Variants in SLC28A3 observed in about 807,000 individuals in gnomAD.
The protein encoded by SLC28A3 is solute carrier family 28 member 3.
A neutral mutation model predicts 84.2 loss-of-function variants in SLC28A3; 68 were observed. The ratio of observed to expected loss-of-function variants is 0.81; its 90% CI spans 0.66 to 0.99. The LOEUF (loss-of-function observed/expected upper bound fraction) is 0.99. SLC28A3 is among the 50% of genes least tolerant of loss of function. The pLI is 0.00. For missense variants in SLC28A3, 712 were observed against 841.5 expected (o/e 0.85, Z 1.90); for synonymous variants, 267 against 303.6 (o/e 0.88, Z 1.25).
chr9:84,287,614 C>A (rs1222736889), intron 12 of SLC28A3, among the ~76,000 whole-genome samples: 1 of 152,100 alleles, frequency 6.6e-6, no homozygotes, highest in Non-Finnish European at 1.5e-5. Context: ...CAGGTCCCAG[C>A]ACTTTGGGAG....
chr9:84,303,308 C>T (rs1303663549), intron 4 of SLC28A3, among the ~76,000 whole-genome samples: 3 of 152,010 alleles, frequency 2.0e-5, no homozygotes, highest in African/African-American at 7.2e-5. Context: ...GACCAGACTC[C>T]CTCTCCCTCT....
the SLC28A3 span, among the ~76,000 whole-genome samples, chr9:84,360,433 C>T: frequency 6.6e-6 from 1 of 151,822 alleles, no homozygotes; most frequent in Non-Finnish European, 1.5e-5. Flanking sequence ...CATGGGGAGC[C>T]CTGGAGATGT....
At chr9:84,333,883 A>G (rs560406348) in intron 1 of SLC28A3, among the ~76,000 whole-genome samples, 1 of 152,268 alleles carries the variant, frequency 6.6e-6, no homozygotes, top group South Asian at 2.1e-4. Flanking sequence ...AGCTCCAAAA[A>G]CCCCAAACTT....
upstream of SLC28A3, among the ~76,000 whole-genome samples, chr9:84,340,957 A>T (rs536719132): frequency 6.6e-6 from 1 of 150,792 alleles, no homozygotes; most frequent in South Asian, 2.1e-4. Context: ...ACAGAAAAGG[A>T]CACTTTCTTT....
chr9:84,359,010 G>T, the SLC28A3 span, among the ~76,000 whole-genome samples: 12 of 152,074 alleles, frequency 7.9e-5, no homozygotes, highest in Admixed American at 7.9e-4. Context: ...TGCCATGTTG[G>T]CCAGGCTGGT....
intron 1 of SLC28A3, among the ~76,000 whole-genome samples, chr9:84,316,363 C>T (rs551539454): frequency 3.3e-5 from 5 of 152,306 alleles, no homozygotes; most frequent in South Asian, 4.1e-4. Context: ...GTTCTGGCAA[C>T]GAAATGAAAG....
the SLC28A3 span, among the ~76,000 whole-genome samples, chr9:84,349,594 G>GA: frequency 6.6e-6 from 1 of 152,180 alleles, no homozygotes; most frequent in Non-Finnish European, 1.5e-5. Flanking sequence ...GCAGAAAACA[G>GA]ACTAAGACAG....
intron 14 of SLC28A3, among the ~76,000 whole-genome samples, chr9:84,281,481 T>C (rs537995673): frequency 1.2e-3 from 182 of 152,276 alleles, no homozygotes; most frequent in African/African-American, 4.2e-3. Context: ...AATTAAAAAA[T>C]ACAAAGTGTT....
intron 1 of SLC28A3, among the ~76,000 whole-genome samples, 161 bp from the exon 2 acceptor site, chr9:84,313,615 G>A (rs1403071506): frequency 6.6e-6 from 1 of 152,120 alleles, no homozygotes; most frequent in East Asian, 1.9e-4. Flanking sequence ...TCCTGGGCTT[G>A]TAAAGAAACA....
At chr9:84,286,263 A>ATGAAG in intron 12 of SLC28A3, 152 bp from the exon 13 acceptor site, 1 of 668,152 alleles carries the variant, frequency 1.5e-6, no homozygotes, top group Admixed American at 2.9e-5. Context: ...CCATGACATC[A>ATGAAG]TGAAGTGGGC....
At chr9:84,364,299 T>C in the SLC28A3 span, among the ~76,000 whole-genome samples, 2 of 152,148 alleles carry the variant, frequency 1.3e-5, no homozygotes, top group Non-Finnish European at 2.9e-5. Flanking sequence ...TTTTGTATTT[T>C]TTCAGTAGAG....
intron 3 of SLC28A3, 96 bp downstream of exon 3, chr9:84,309,523 CAAAAAAAAAA>C (rs71366931): frequency 7.2e-5 from 17 of 236,078 alleles, no homozygotes; most frequent in African/African-American, 1.1e-4. Context: ...ACTCTTATCT[CAAAAAAAAAA>C]AAAAAAAAAA....
chr9:84,343,666 G>A (rs147951135), upstream of SLC28A3, among the ~76,000 whole-genome samples: 16 of 152,298 alleles, frequency 1.1e-4, no homozygotes, highest in East Asian at 3.1e-3. Flanking sequence ...AAAGTTATAT[G>A]AAATTCAAAC....
chr9:84,278,040 G>A lies in SLC28A3; in HGVS notation c.*178C>T, dbSNP rs1564141218. ...GGGAAGGGGCTGGTGGGGAGGGAGG[G>A]GAGGAGGAAAATGTTGTAGCTTTGA... is the stretch of plus-strand genomic sequence containing the variant. On this transcript the variant is annotated 3_prime_UTR_variant, in exon 18 of 18. Transcript: ENST00000376238. 5 of 766,026 alleles carry A rather than the reference G, an allele frequency of 6.5e-6. No homozygotes were observed. The highest frequency in any genetic ancestry group is 9.9e-6 in the Non-Finnish European group (5 of 503,434). The allele number at this position is 766,026 out of a possible 1,614,324, so 47.5% of individuals were successfully genotyped here.
chr9:84,364,155 T>C, the SLC28A3 span, among the ~76,000 whole-genome samples: 9,687 of 146,284 alleles, frequency 0.066, 588 homozygotes, highest in African/African-American at 0.16. Context: ...GATGGCGTCT[T>C]GCTCTGTTAC....
the SLC28A3 span, among the ~76,000 whole-genome samples, chr9:84,364,990 C>T: frequency 1.3e-5 from 2 of 152,132 alleles, no homozygotes; most frequent in Admixed American, 6.6e-5. Context: ...ATGTGAGTGC[C>T]GGTATCTCTT....
intron 1 of SLC28A3, among the ~76,000 whole-genome samples, chr9:84,319,259 T>G (rs1826280325): frequency 6.6e-6 from 1 of 152,218 alleles, no homozygotes; most frequent in African/African-American, 2.4e-5. Flanking sequence ...TCTATGACAT[T>G]AACCATATCA....
chr9:84,343,877 G>A (rs938827269), upstream of SLC28A3, among the ~76,000 whole-genome samples: 5 of 152,148 alleles, frequency 3.3e-5, no homozygotes, highest in Admixed American at 3.3e-4. Flanking sequence ...AATCGCTTGA[G>A]CCCAGAAGTT....
chr9:84,326,672 CAACAACAACA>C (rs1826566472), intron 1 of SLC28A3, among the ~76,000 whole-genome samples: 7 of 135,616 alleles, frequency 5.2e-5, no homozygotes, highest in Non-Finnish European at 1.2e-4. Context: ...ACAACAACAA[CAACAACAACA>C]ACCAGGTCTT....
Sources: gnomAD v4.1 joint callset for allele counts (sites outside exome capture counted in the v4.1 genomes callset) on GRCh38, gnomAD v4.1.1 for gene constraint, MANE v1.5 for transcripts, NCBI Gene and HGNC (gene_info 2026-07-23, HGNC 2026-07-21) for gene names.